RFTN2: variants seen among roughly 807,000 people sequenced by gnomAD.
RFTN2 encodes the protein raftlin-2.
In RFTN2, 34 loss-of-function variants were observed where a neutral mutation model predicts 52.7. The ratio of observed to expected loss-of-function variants is 0.64; its 90% CI spans 0.49 to 0.86. The LOEUF (loss-of-function observed/expected upper bound fraction) is 0.86. Among genes scored for constraint, RFTN2 ranks in the 40% least tolerant of loss-of-function variants. The pLI, the probability that RFTN2 is intolerant of heterozygous loss-of-function variation, is 0.00. For missense variants in RFTN2, 536 were observed against 600.1 expected, an observed-to-expected ratio of 0.89 and a Z score of 1.12; for synonymous variants, 203 against 217.7, an observed-to-expected ratio of 0.93 and a Z score of 0.59.
intron 5 of RFTN2, among the ~76,000 whole-genome samples, chr2:197,619,909 C>A (rs1412445726): frequency 2.1e-5 from 3 of 143,776 alleles, no homozygotes; most frequent in Non-Finnish European, 3.0e-5. Context: ...TCCAACTATA[C>A]ATATAAAAAC....
At chr2:197,590,954 G>A (rs2087701296) in intron 8 of RFTN2, among the ~76,000 whole-genome samples, 1 of 152,220 alleles carries the variant, frequency 6.6e-6, no homozygotes. Flanking sequence ...AGCCCAGCAG[G>A]TTGCCACTGC....
chr2:197,603,657 T>C (rs1028607929), intron 7 of RFTN2, among the ~76,000 whole-genome samples: 1 of 152,150 alleles, frequency 6.6e-6, no homozygotes, highest in Non-Finnish European at 1.5e-5. Flanking sequence ...GGCTCACGCC[T>C]GTAATCCCAG....
intron 5 of RFTN2, among the ~76,000 whole-genome samples, chr2:197,621,722 G>A (rs1362123996): frequency 2.0e-5 from 3 of 151,754 alleles, no homozygotes; most frequent in East Asian, 3.9e-4. Context: ...CCCTCTTCTC[G>A]AGGCCCCCAT....
At chr2:197,624,349 C>T (rs1249104645) in intron 5 of RFTN2, among the ~76,000 whole-genome samples, 1 of 151,916 alleles carries the variant, frequency 6.6e-6, no homozygotes, top group African/African-American at 2.4e-5. Context: ...CCTGTAATCC[C>T]AGCACTTTGG....
intron 1 of RFTN2, among the ~76,000 whole-genome samples, chr2:197,651,733 G>A (rs891569219): frequency 2.0e-5 from 3 of 152,126 alleles, no homozygotes; most frequent in Non-Finnish European, 4.4e-5. Context: ...TTATGTTTAA[G>A]TCAACAATTT....
intron 1 of RFTN2, among the ~76,000 whole-genome samples, chr2:197,654,357 T>A (rs1264773937): frequency 6.6e-6 from 1 of 151,926 alleles, no homozygotes; most frequent in African/African-American, 2.4e-5. Context: ...ATAGCACCAC[T>A]GCACTCCAGC....
intron 8 of RFTN2, among the ~76,000 whole-genome samples, chr2:197,582,862 T>C (rs759578669): frequency 6.6e-6 from 1 of 152,220 alleles, no homozygotes; most frequent in Non-Finnish European, 1.5e-5. Flanking sequence ...ATGCTTATGC[T>C]GATAAGGTAG....
At chr2:197,646,921 C>T (rs555367213) in intron 1 of RFTN2, among the ~76,000 whole-genome samples, 1 of 93,136 alleles carries the variant, frequency 1.1e-5, no homozygotes, top group African/African-American at 3.9e-5. Context: ...AAAAAAAAAA[C>T]TCCAATGGCT....
chr2:197,611,399 T>C (rs1249071380), intron 7 of RFTN2, among the ~76,000 whole-genome samples: 1 of 152,212 alleles, frequency 6.6e-6, no homozygotes, highest in Non-Finnish European at 1.5e-5. Context: ...TTTATTTGCA[T>C]AGAGGCGTTT....
At position 197,572,219 on chromosome 2, in the gene RFTN2, C is replaced by G; in HGVS notation, c.1295G>C (p.Gly432Ala). Reference sequence around the variant, plus strand: ...AGGTTGTGACGAGGTTGTGTCTAATCCGATGCTTCTACTAGTGGCTTTATT... The same window carrying G: ...AGGTTGTGACGAGGTTGTGTCTAATGCGATGCTTCTACTAGTGGCTTTATT... Reference protein sequence around the residue: ...DKNKATSRSIGLDTTSSQPAE... With the variant: ...DKNKATSRSIALDTTSSQPAE... Residue 432 changes from glycine (G) to alanine (A), a missense_variant, in exon 9 of 9, where the codon GGA (glycine) becomes GCA (alanine). Gly to Ala is a moderately conservative substitution (Grantham distance 60). Coordinates refer to ENST00000295049, the MANE Select transcript of RFTN2 (RefSeq NM_144629.3). 1.2e-6 allele frequency: 2 copies of G among 1,614,252 alleles called. No homozygotes were observed. The highest frequency in any genetic ancestry group is 1.7e-6 in the Non-Finnish European group (2 of 1,180,042).
intron 5 of RFTN2, among the ~76,000 whole-genome samples, chr2:197,625,570 G>A (rs1300725625): frequency 1.3e-5 from 2 of 151,716 alleles, no homozygotes; most frequent in Admixed American, 1.3e-4. Context: ...ATCTCTCTAG[G>A]GAGCACTGCA....
chr2:197,587,042 GT>G (rs951756655), intron 8 of RFTN2, among the ~76,000 whole-genome samples: 4 of 152,076 alleles, frequency 2.6e-5, no homozygotes, highest in African/African-American at 9.7e-5. Flanking sequence ...TTTAATACCT[GT>G]TCTTCTCCTC....
At chr2:197,591,998 G>T (rs1359203240) in intron 8 of RFTN2, among the ~76,000 whole-genome samples, 1 of 152,144 alleles carries the variant, frequency 6.6e-6, no homozygotes, top group Admixed American at 6.5e-5. Flanking sequence ...ACCAGAGAAG[G>T]GCTCCCATGG....
rs1393960662 is a variant in RFTN2, at chr2:197,661,968, GC to G, written c.139+13351del. 2.6e-5 allele frequency among the ~76,000 whole-genome samples: 4 copies of G among 152,056 alleles called. No homozygotes were observed. In the East Asian group the frequency reaches 7.7e-4, roughly 29 times the overall value. On this transcript the variant is annotated intron_variant, in intron 1 of 8. Transcript: ENST00000295049. ...TGAGAATTGTCTATTCATGTAATTTGCCCACTTTTTAACGTGATTTTTAAAA... is the reference window on the plus strand; with the variant it reads ...TGAGAATTGTCTATTCATGTAATTTGCCACTTTTTAACGTGATTTTTAAAA...
chr2:197,621,125 T>G (rs1367996803), intron 5 of RFTN2, among the ~76,000 whole-genome samples: 4 of 152,120 alleles, frequency 2.6e-5, no homozygotes, highest in African/African-American at 7.2e-5. Flanking sequence ...GGAATCAAAT[T>G]TGTTTCTGAT....
intron 5 of RFTN2, among the ~76,000 whole-genome samples, chr2:197,622,909 G>A (rs2106220692): frequency 6.6e-6 from 1 of 152,262 alleles, no homozygotes; most frequent in East Asian, 1.9e-4. Flanking sequence ...AATATTTTAA[G>A]CCCACTATTC....
intron 8 of RFTN2, among the ~76,000 whole-genome samples, chr2:197,591,186 A>C (rs2087707086): frequency 6.6e-6 from 1 of 152,178 alleles, no homozygotes; most frequent in Non-Finnish European, 1.5e-5. Context: ...TGCATTTACA[A>C]ACCCTGAGCT....
Position 197,644,574 on chromosome 2 carries a change from A to G in RFTN2, c.324-302T>C, listed in dbSNP as rs559025099. Among the ~76,000 whole-genome samples the G allele has an allele frequency of 2.6e-5, 4 of 152,354 alleles. No individual in the cohort carries two copies. In the East Asian group the frequency reaches 5.8e-4, roughly 22 times the overall value. On this transcript the variant is annotated intron_variant, in intron 2 of 8. Transcript: ENST00000295049. ...TAATTTTAGATTGTTGTTATATCTT[A>G]TCGAACAAAAGCAGAAGTAAAAATT...
intron 5 of RFTN2, among the ~76,000 whole-genome samples, chr2:197,622,803 G>A (rs1487558297): frequency 6.6e-6 from 1 of 152,118 alleles, no homozygotes; most frequent in East Asian, 1.9e-4. Context: ...AAATCCTAGG[G>A]CCCTTAAGAA....
Sources: gnomAD v4.1 joint callset for allele counts (sites outside exome capture counted in the v4.1 genomes callset) on GRCh38, gnomAD v4.1.1 for gene constraint, MANE v1.5 for transcripts, NCBI Gene and HGNC (gene_info 2026-07-23, HGNC 2026-07-21) for gene names.